SMAD2: variants seen among roughly 807,000 people sequenced by gnomAD.
SMAD2 encodes SMAD family member 2.
SMAD2 carries 8 observed loss-of-function variants against 64.4 expected under a neutral mutation model. The ratio of observed to expected loss-of-function variants is 0.12; its 90% CI spans 0.07 to 0.22. SMAD2 has a LOEUF of 0.22. Ranked by LOEUF, SMAD2 falls within the 10% of genes least tolerant of loss-of-function variation. The probability of loss-of-function intolerance (pLI) is 1.00; values close to 1 mark genes in which losing one functional copy is unlikely to be tolerated. For synonymous variants in SMAD2, 203 were observed against 195.8 expected, an observed-to-expected ratio of 1.04 and a Z score of -0.31; for missense variants, 289 against 561.2, an observed-to-expected ratio of 0.51 and a Z score of 4.90.
chr18:47,848,394 C>T, intron 8 of SMAD2, 81 bp downstream of exon 8: 1 of 1,087,428 alleles, frequency 9.2e-7, no homozygotes, highest in Non-Finnish European at 1.4e-6. Context: ...TGCACACAAG[C>T]TCTTGATGTG....
At position 47,840,107 on chromosome 18, in the gene SMAD2, A is replaced by G. The variant is rs1003942275; in HGVS notation, c.*1720T>C. 4.3e-6 allele frequency: 1 copy of G among 233,124 alleles called. No individual in the cohort carries two copies. Among genetic ancestry groups the G allele is most frequent in the African/African-American group, 2.2e-5 (1 of 45,346 alleles). The allele number at this position is 233,124 out of a possible 1,614,324, so 14.4% of individuals were successfully genotyped here. A position where few individuals can be genotyped will look rare whatever the true frequency, so the allele number is the denominator to read the frequency against. On this transcript the variant is annotated 3_prime_UTR_variant, in exon 11 of 11. Transcript: ENST00000262160. ...TGTTGAATGAATAAAAAATTACTAT[A>G]CCAAATTTACATGAACACATACATA... is the stretch of plus-strand genomic sequence containing the variant.
At chr18:47,853,755 AAGTCACAAATCTGCTGG>A (rs2144326422) in intron 6 of SMAD2, among the ~76,000 whole-genome samples, 1 of 28,774 alleles carries the variant, frequency 3.5e-5, no homozygotes, top group Admixed American at 4.8e-4. Context: ...ATCTGCTGGC[AAGTCACAAATCTGCTGG>A]CAAGTCACAA....
chr18:47,930,620 G>C lies in SMAD2; in HGVS notation c.-313C>G, dbSNP rs1485233867. On this transcript the variant is annotated 5_prime_UTR_variant, in exon 1 of 11. Coordinates refer to ENST00000262160, the MANE Select transcript of SMAD2 (RefSeq NM_005901.6). The stretch of plus-strand genomic sequence containing the variant: ...GAGGGAAGGGGAGGGGAGGGAGCCT[G>C]GCCGCCGCCCGCGGGGAAGGAGGGG... The C allele has an allele frequency of 6.7e-6, 1 of 150,126 alleles. No individual in the cohort carries two copies. Among genetic ancestry groups the C allele is most frequent in the Non-Finnish European group, 1.5e-5 (1 of 67,452 alleles). 9.3% of individuals were successfully genotyped at this position (150,126 alleles called of 1,614,324 possible).
chr18:47,850,609 T>C (rs1232649650), intron 7 of SMAD2, among the ~76,000 whole-genome samples: 3 of 57,606 alleles, frequency 5.2e-5, no homozygotes, highest in South Asian at 4.2e-4. Context: ...TTATGTATAA[T>C]ATATATTATA....
chr18:47,848,834 G>C (rs1914794127), intron 7 of SMAD2, 147 bp from the exon 8 acceptor site: 1 of 643,826 alleles, frequency 1.6e-6, no homozygotes, highest in African/African-American at 1.8e-5. Context: ...TATCTGTATC[G>C]GTTTCCACAG....
In SMAD2 at chr18:47,814,876, A is replaced by T. The variant is rs1186415980; in HGVS notation, c.*26951T>A. 1 of 152,322 alleles carries T rather than the reference A, an allele frequency of 6.6e-6. No homozygotes were observed. The highest frequency in any genetic ancestry group is 1.5e-5 in the Non-Finnish European group (1 of 68,158). 9.4% of individuals were successfully genotyped at this position (152,322 alleles called of 1,614,324 possible). ...GCAGATTAACAGTCCCATAGTTGGG[A>T]CATGGAAGCTATTAAGGTAGAGACC... On this transcript the variant is annotated 3_prime_UTR_variant, in exon 11 of 11. Coordinates refer to ENST00000262160, the MANE Select transcript of SMAD2 (RefSeq NM_005901.6).
chr18:47,907,925 G>T (rs999837858), intron 1 of SMAD2, among the ~76,000 whole-genome samples: 16 of 152,214 alleles, frequency 1.1e-4, no homozygotes, highest in Admixed American at 1.0e-3. Context: ...GCGAGAGAGT[G>T]AGACTCTATC....
intron 7 of SMAD2, among the ~76,000 whole-genome samples, chr18:47,850,686 AATG>A (rs2029876027): frequency 5.8e-5 from 1 of 17,120 alleles, no homozygotes; most frequent in African/African-American, 2.4e-4. Context: ...TTATATATAT[AATG>A]TATAATATAT....
intron 1 of SMAD2, among the ~76,000 whole-genome samples, chr18:47,920,673 C>T (rs1391498880): frequency 6.6e-6 from 1 of 152,012 alleles, no homozygotes; most frequent in Non-Finnish European, 1.5e-5. Flanking sequence ...ATGTGTTATT[C>T]GAAAAAATGA....
At chr18:47,907,442 C>T (rs2033949335) in intron 1 of SMAD2, among the ~76,000 whole-genome samples, 1 of 152,192 alleles carries the variant, frequency 6.6e-6, no homozygotes, top group African/African-American at 2.4e-5. Context: ...CTTCCCACAA[C>T]AGGCAAAACT....
In SMAD2 at chr18:47,838,360, G is replaced by C; in HGVS notation, c.*3467C>G. 1 of 233,254 alleles carries C rather than the reference G, an allele frequency of 4.3e-6. No homozygotes were observed. The highest frequency in any genetic ancestry group is 8.5e-6 in the Non-Finnish European group (1 of 118,006). 14.4% of individuals were successfully genotyped at this position (233,254 alleles called of 1,614,324 possible). On this transcript the variant is annotated 3_prime_UTR_variant, in exon 11 of 11. Coordinates refer to ENST00000262160, the MANE Select transcript of SMAD2 (RefSeq NM_005901.6). ...ATTAGGCAGATTTCCTTCTGCCAAA[G>C]TGACAGGTCCTGAGGAAAAAAAACA...
In SMAD2 at chr18:47,820,224, CAT is replaced by C. The variant is rs1202438949; in HGVS notation, c.*21601_*21602del. 3 of 151,876 alleles carry C rather than the reference CAT, an allele frequency of 2.0e-5. No homozygotes were observed. The East Asian group carries it at 5.8e-4, about 29-fold the overall frequency. The allele number at this position is 151,876 out of a possible 1,614,324, so 9.4% of individuals were successfully genotyped here. On this transcript the variant is annotated 3_prime_UTR_variant, in exon 11 of 11. Transcript: ENST00000262160. ...ATTAATATACAAAGTTATAAGGAAA[CAT>C]GTTTCTAAAAATTATAATATGGTTC... is the stretch of plus-strand genomic sequence containing the variant.
intron 4 of SMAD2, 86 bp from the exon 5 acceptor site, chr18:47,868,543 A>G: frequency 9.3e-7 from 1 of 1,074,488 alleles, no homozygotes. Context: ...CAAGAAGAGA[A>G]GTTGTAGCTT....
At position 47,822,416 on chromosome 18, in the gene SMAD2, A is replaced by C. The variant is rs1295933125; in HGVS notation, c.*19411T>G. ...CTAAATATTTTTTCAGAACTTCAAG[A>C]AACTGATGAGTCCATGTAACTACTA... On this transcript the variant is annotated 3_prime_UTR_variant, in exon 11 of 11. Transcript: ENST00000262160. 1.3e-5 allele frequency: 2 copies of C among 152,242 alleles called. No individual in the cohort carries two copies. The highest frequency in any genetic ancestry group is 2.9e-5 in the Non-Finnish European group (2 of 68,040). The allele number at this position is 152,242 out of a possible 1,614,324, so 9.4% of individuals were successfully genotyped here. A position where few individuals can be genotyped will look rare whatever the true frequency, so the allele number is the denominator to read the frequency against.
chr18:47,878,818 C>A (rs567780246), intron 2 of SMAD2, among the ~76,000 whole-genome samples: 1 of 152,310 alleles, frequency 6.6e-6, no homozygotes, highest in South Asian at 2.1e-4. Flanking sequence ...AAGCACCCTA[C>A]ACATTGATCA....
At chr18:47,891,684 C>G (rs1182143802) in intron 2 of SMAD2, among the ~76,000 whole-genome samples, 1 of 151,906 alleles carries the variant, frequency 6.6e-6, no homozygotes, top group Non-Finnish European at 1.5e-5. Context: ...GCTGCCACGT[C>G]TGGCTAGAAA....
At chr18:47,888,151 T>C (rs1332979704) in intron 2 of SMAD2, among the ~76,000 whole-genome samples, 1 of 150,804 alleles carries the variant, frequency 6.6e-6, no homozygotes, top group Non-Finnish European at 1.5e-5. Flanking sequence ...AGGTAAAATA[T>C]AAGCAGGTCA....
intron 1 of SMAD2, among the ~76,000 whole-genome samples, chr18:47,912,777 T>A (rs2034186854): frequency 6.7e-6 from 1 of 150,316 alleles, no homozygotes; most frequent in African/African-American, 2.5e-5. Flanking sequence ...CCTACAAGTA[T>A]CTGTATCTTT....
intron 1 of SMAD2, among the ~76,000 whole-genome samples, chr18:47,906,668 A>G (rs2033916464): frequency 6.6e-6 from 1 of 152,226 alleles, no homozygotes; most frequent in Non-Finnish European, 1.5e-5. Context: ...AATGAACTAC[A>G]GTCACAGTGT....
Sources: gnomAD v4.1 joint callset for allele counts (sites outside exome capture counted in the v4.1 genomes callset) on GRCh38, gnomAD v4.1.1 for gene constraint, MANE v1.5 for transcripts, NCBI Gene and HGNC (gene_info 2026-07-23, HGNC 2026-07-21) for gene names.